ASCC3: variants seen among roughly 807,000 people sequenced by gnomAD.
ASCC3 encodes the protein ASC-1 complex subunit P200.
Under a neutral mutation model 256.3 loss-of-function variants are expected in ASCC3, and 158 were observed. The ratio of observed to expected loss-of-function variants is 0.62; its 90% CI spans 0.54 to 0.70. The LOEUF (loss-of-function observed/expected upper bound fraction) is 0.70, where lower values mean the gene tolerates loss of function less well. ASCC3 is among the 30% of genes least tolerant of loss of function. The pLI, the probability that ASCC3 is intolerant of heterozygous loss-of-function variation, is 0.00. For missense variants in ASCC3, 2,259 were observed against 2,626.0 expected (o/e 0.86, Z 3.05); for synonymous variants, 948 against 883.4 (o/e 1.07, Z -1.30).
intron 3 of ASCC3, among the ~76,000 whole-genome samples, chr6:100,852,970 T>C (rs111975058): frequency 2.6e-5 from 4 of 151,534 alleles, no homozygotes; most frequent in African/African-American, 9.7e-5. Flanking sequence ...CATAGTAAAC[T>C]ATAAGGCACT....
intron 5 of ASCC3, among the ~76,000 whole-genome samples, chr6:100,803,062 C>T (rs1409045815): frequency 6.6e-6 from 1 of 151,934 alleles, no homozygotes; most frequent in Non-Finnish European, 1.5e-5. Flanking sequence ...AGGAGACTGA[C>T]AAAATGAAAT....
chr6:100,703,701 T>A (rs1454508933), intron 13 of ASCC3, among the ~76,000 whole-genome samples: 1 of 151,984 alleles, frequency 6.6e-6, no homozygotes, highest in Non-Finnish European at 1.5e-5. Flanking sequence ...TAACCAAATG[T>A]TGATGTTAAC....
At chr6:100,875,046 C>T (rs1274276585) in intron 1 of ASCC3, among the ~76,000 whole-genome samples, 1 of 152,148 alleles carries the variant, frequency 6.6e-6, no homozygotes, top group African/African-American at 2.4e-5. Context: ...AAAATACTAA[C>T]ATGTTACAGA....
intron 4 of ASCC3, among the ~76,000 whole-genome samples, chr6:100,842,685 T>A (rs1772203110): frequency 6.6e-6 from 1 of 152,142 alleles, no homozygotes; most frequent in African/African-American, 2.4e-5. Context: ...TTTAAATGAT[T>A]TGGGGCTGGG....
At chr6:100,712,858 C>A (rs532487428) in intron 13 of ASCC3, among the ~76,000 whole-genome samples, 1 of 150,720 alleles carries the variant, frequency 6.6e-6, no homozygotes, top group African/African-American at 2.4e-5. Flanking sequence ...CCCAGGTTCA[C>A]GCCATTCTCC....
chr6:100,644,605 T>G (rs1775291329), intron 22 of ASCC3, among the ~76,000 whole-genome samples: 1 of 152,140 alleles, frequency 6.6e-6, no homozygotes, highest in African/African-American at 2.4e-5. Flanking sequence ...TCTCTCTTAC[T>G]CTCTCTGTCT....
At chr6:100,560,916 T>C (rs1769909695) in intron 36 of ASCC3, among the ~76,000 whole-genome samples, 2 of 152,138 alleles carry the variant, frequency 1.3e-5, no homozygotes, top group South Asian at 4.2e-4. Context: ...GGGTATAAAG[T>C]ACAGCTCTTA....
intron 19 of ASCC3, among the ~76,000 whole-genome samples, chr6:100,650,974 T>C (rs1775640747): frequency 6.6e-6 from 1 of 151,848 alleles, no homozygotes; most frequent in South Asian, 2.1e-4. Context: ...AAATTTGATA[T>C]GCCAAAAAAT....
chr6:100,743,867 CT>C lies in ASCC3; in HGVS notation c.1738-18165del, dbSNP rs1780548146. Among the ~76,000 whole-genome samples, 3 of 152,300 alleles carry C rather than the reference CT, an allele frequency of 2.0e-5. No individual in the cohort carries two copies. In the South Asian group the frequency reaches 6.2e-4, roughly 32 times the overall value. ...ATAATGAATATGATACACATTAATACTCACAAATCTTTAAAATAATGCCTGA... is the reference window on the plus strand; with the variant it reads ...ATAATGAATATGATACACATTAATACCACAAATCTTTAAAATAATGCCTGA... On this transcript the variant is annotated intron_variant, in intron 10 of 41. Transcript: ENST00000369162.
At chr6:100,516,915 T>C (rs1304774757) in intron 38 of ASCC3, among the ~76,000 whole-genome samples, 2 of 152,032 alleles carry the variant, frequency 1.3e-5, no homozygotes, top group Non-Finnish European at 1.5e-5. Context: ...GCAGCTACCA[T>C]AGCAGACCTG....
At chr6:100,778,365 A>T (rs545658433) in intron 8 of ASCC3, among the ~76,000 whole-genome samples, 2 of 151,684 alleles carry the variant, frequency 1.3e-5, no homozygotes, top group South Asian at 4.2e-4. Context: ...GCAGACTCAA[A>T]TTTCAAAAGT....
At chr6:100,732,956 A>C (rs1779980468) in intron 10 of ASCC3, among the ~76,000 whole-genome samples, 1 of 152,182 alleles carries the variant, frequency 6.6e-6, no homozygotes, top group Non-Finnish European at 1.5e-5. Flanking sequence ...GAAAACTAAC[A>C]ACATTAGAAA....
At chr6:100,567,855 C>CA (rs1770351665) in intron 36 of ASCC3, among the ~76,000 whole-genome samples, 1 of 152,070 alleles carries the variant, frequency 6.6e-6, no homozygotes, top group African/African-American at 2.4e-5. Context: ...CTGAGATAAA[C>CA]ATGTGAGTGC....
chr6:100,869,769 C>A (rs1424009554), intron 1 of ASCC3, among the ~76,000 whole-genome samples: 1 of 152,058 alleles, frequency 6.6e-6, no homozygotes, highest in East Asian at 1.9e-4. Context: ...ACTAGTGCTA[C>A]ACTGAAAACA....
chr6:100,823,679 T>G (rs1771162887), intron 4 of ASCC3, among the ~76,000 whole-genome samples: 1 of 152,130 alleles, frequency 6.6e-6, no homozygotes, highest in Admixed American at 6.5e-5. Flanking sequence ...AATTCATGAA[T>G]AGAAACAGTC....
In ASCC3 at chr6:100,562,824, T is replaced by C. The variant is rs551584594; in HGVS notation, c.5551-22437A>G. Among the ~76,000 whole-genome samples the C allele has an allele frequency of 1.1e-4, 16 of 152,174 alleles. No homozygotes were observed. The South Asian group carries it at 1.9e-3, about 18-fold the overall frequency. ...TAGAGATGTAAAATAAACATGTTGA[T>C]AGATATCAAATTTCCAGGTCAATGA... is the stretch of plus-strand genomic sequence containing the variant. On this transcript the variant is annotated intron_variant, in intron 36 of 41. Transcript: ENST00000369162.
intron 36 of ASCC3, among the ~76,000 whole-genome samples, chr6:100,550,386 T>C (rs1769229041): frequency 6.6e-6 from 1 of 151,962 alleles, no homozygotes; most frequent in African/African-American, 2.4e-5. Context: ...ACATACACTA[T>C]ACACTCCCAT....
intron 14 of ASCC3, among the ~76,000 whole-genome samples, chr6:100,668,773 T>G (rs1200727252): frequency 9.9e-5 from 15 of 151,958 alleles, no homozygotes; most frequent in Non-Finnish European, 7.4e-5. Flanking sequence ...TATGTTAACA[T>G]ATTTAATAAT....
chr6:100,668,226 ACACAAGTACAACAG>A (rs1328025159), intron 14 of ASCC3, among the ~76,000 whole-genome samples: 2 of 152,056 alleles, frequency 1.3e-5, no homozygotes, highest in Non-Finnish European at 2.9e-5. Flanking sequence ...GTATAGCTGT[ACACAAGTACAACAG>A]CACAAGCACA....
Sources: allele counts gnomAD v4.1 joint callset (sites outside exome capture counted in the v4.1 genomes callset), GRCh38; gene constraint gnomAD v4.1.1; transcripts MANE v1.5; gene names NCBI Gene and HGNC (gene_info 2026-07-23, HGNC 2026-07-21).